The following EPB41L4A variants were observed in gnomAD, a reference collection of about 807,000 sequenced individuals.
EPB41L4A encodes the protein erythrocyte membrane protein band 4.1 like 4A.
In EPB41L4A, 100 loss-of-function variants were observed where a neutral mutation model predicts 108.6. That is an observed-to-expected ratio of 0.92 (90% CI 0.78 to 1.09). EPB41L4A has a LOEUF of 1.09. EPB41L4A is among the 50% of genes least tolerant of loss of function. EPB41L4A has a pLI of 0.00. For synonymous variants in EPB41L4A, 319 were observed against 289.0 expected, an observed-to-expected ratio of 1.10 and a Z score of -1.05; for missense variants, 1,030 against 842.7, an observed-to-expected ratio of 1.22 and a Z score of -2.75.
chr5:112,290,472 G>A (rs1403755916), intron 2 of EPB41L4A, among the ~76,000 whole-genome samples: 3 of 152,126 alleles, frequency 2.0e-5, no homozygotes, highest in Admixed American at 6.5e-5. Context: ...AATAAACATG[G>A]TTTTAGGGAT....
intron 22 of EPB41L4A, 37 bp from the exon 23 acceptor site, chr5:112,165,155 GA>G (rs746268329): frequency 4.0e-6 from 6 of 1,499,546 alleles, no homozygotes; most frequent in Non-Finnish European, 5.5e-6. Context: ...AGATTCAGAA[GA>G]AAACAGCCAA....
Position 112,163,404 on chromosome 5 carries a change from T to G in EPB41L4A, c.*1586A>C, listed in dbSNP as rs182906055. The stretch of plus-strand genomic sequence containing the variant: ...TAGTCTAAACTACAGAAATAAACCT[T>G]AAGGCCATGGGTATAAATGAGATCT... On this transcript the variant is annotated 3_prime_UTR_variant, in exon 23 of 23. Coordinates refer to ENST00000261486, the MANE Select transcript of EPB41L4A (RefSeq NM_022140.5). The G allele has an allele frequency of 6.6e-6, 1 of 152,304 alleles. No homozygotes were observed. Among genetic ancestry groups the G allele is most frequent in the Admixed American group, 6.5e-5 (1 of 15,286 alleles). 9.4% of individuals were successfully genotyped at this position (152,304 alleles called of 1,614,324 possible).
intron 1 of EPB41L4A, among the ~76,000 whole-genome samples, chr5:112,403,513 T>C (rs1761908090): frequency 6.6e-6 from 1 of 152,224 alleles, no homozygotes; most frequent in Admixed American, 6.5e-5. Flanking sequence ...GGTCTCACTC[T>C]GTCACCCAGC....
At chr5:112,240,989 G>A (rs952616624) in intron 9 of EPB41L4A, among the ~76,000 whole-genome samples, 179 bp from the exon 10 acceptor site, 3 of 151,976 alleles carry the variant, frequency 2.0e-5, no homozygotes, top group Admixed American at 1.3e-4. Flanking sequence ...ACCTTCCATC[G>A]ATTAAAATTT....
At chr5:112,183,164 C>T (rs1211507693) in intron 18 of EPB41L4A, among the ~76,000 whole-genome samples, 2 of 152,144 alleles carry the variant, frequency 1.3e-5, no homozygotes, top group Admixed American at 6.5e-5. Flanking sequence ...GTGGCACTCA[C>T]AGCTGTCCTC....
At chr5:112,146,995 G>T (rs1045513595) in intron 12 of EPB41L4A, among the ~76,000 whole-genome samples, 8 of 152,204 alleles carry the variant, frequency 5.3e-5, no homozygotes, top group Admixed American at 4.6e-4. Context: ...AAAATGTGGT[G>T]ATTCTACTCC....
At position 112,205,610 on chromosome 5, in the gene EPB41L4A, A is replaced by C. The variant is rs1762434946; in HGVS notation, c.1179-106T>G. 5 of 857,030 alleles carry C rather than the reference A, an allele frequency of 5.8e-6. No individual in the cohort carries two copies. The East Asian group carries it at 1.3e-4, about 22-fold the overall frequency. 53.1% of individuals were successfully genotyped at this position (857,030 alleles called of 1,614,324 possible). ...CTTTTTAACAAATGTTAAGATGTGCACACTTATTTGCTTGTTTATACCTGT... is the reference window on the plus strand; with the variant it reads ...CTTTTTAACAAATGTTAAGATGTGCCCACTTATTTGCTTGTTTATACCTGT... On this transcript the variant is annotated intron_variant, in intron 13 of 22. Transcript: ENST00000261486.
intron 12 of EPB41L4A, among the ~76,000 whole-genome samples, chr5:112,213,094 G>T (rs1052367718): frequency 6.6e-6 from 1 of 152,018 alleles, no homozygotes; most frequent in Admixed American, 6.6e-5. Context: ...TATTTGGATG[G>T]TTTTCCAAAA....
At chr5:112,408,675 CAAAAAAAAAAAAAAAAAAAAAAAAA>C (rs869290279) in intron 1 of EPB41L4A, among the ~76,000 whole-genome samples, 1 of 35,736 alleles carries the variant, frequency 2.8e-5, no homozygotes, top group African/African-American at 1.2e-4. Flanking sequence ...GACTCCATCT[CAAAAAAAAAAAAAAAAAAAAAAAAA>C]AAAAAAAAAA....
In EPB41L4A at chr5:112,200,489, G is replaced by A. The variant is rs138963953; in HGVS notation, c.1376+3886C>T. Among the ~76,000 whole-genome samples, 1,335 of 152,148 alleles carry A rather than the reference G, an allele frequency of 8.8e-3. 10 individuals carry two copies. Among genetic ancestry groups the A allele is most frequent in the Non-Finnish European group, 0.014 (963 of 68,012 alleles). On this transcript the variant is annotated intron_variant, in intron 15 of 22. Coordinates refer to ENST00000261486, the MANE Select transcript of EPB41L4A (RefSeq NM_022140.5). Reference sequence around the variant, plus strand: ...CATATTATGTATTAAAGTCACAATGGCACATATATTCCTATGACTCATGTA... The same window carrying A: ...CATATTATGTATTAAAGTCACAATGACACATATATTCCTATGACTCATGTA...
At chr5:112,365,349 A>C (rs75079466) in intron 1 of EPB41L4A, among the ~76,000 whole-genome samples, 2,912 of 152,232 alleles carry the variant, frequency 0.019, 103 homozygotes, top group African/African-American at 0.067. Flanking sequence ...AGGCACACCT[A>C]GCTTTCATGA....
chr5:112,416,491 G>C (rs932518366), intron 1 of EPB41L4A, among the ~76,000 whole-genome samples: 1 of 152,088 alleles, frequency 6.6e-6, no homozygotes, highest in African/African-American at 2.4e-5. Flanking sequence ...GTTAGGAAAT[G>C]CTTTTGAAAA....
intron 9 of EPB41L4A, among the ~76,000 whole-genome samples, chr5:112,254,575 A>G (rs1219378849): frequency 6.6e-6 from 1 of 152,142 alleles, no homozygotes; most frequent in African/African-American, 2.4e-5. Flanking sequence ...CACAGTTAAG[A>G]GAGGCCCTCC....
chr5:112,347,033 A>C (rs769275721), intron 1 of EPB41L4A, among the ~76,000 whole-genome samples: 24 of 152,306 alleles, frequency 1.6e-4, no homozygotes, highest in Admixed American at 5.2e-4. Context: ...CAATAAACCA[A>C]CTGTGTCCTG....
At chr5:112,284,238 T>G (rs1436315254) in intron 2 of EPB41L4A, among the ~76,000 whole-genome samples, 2 of 152,152 alleles carry the variant, frequency 1.3e-5, no homozygotes, top group Admixed American at 1.3e-4. Context: ...CTGAGAATCA[T>G]GCAGTGTGGT....
chr5:112,231,716 C>T (rs921451334), intron 12 of EPB41L4A, among the ~76,000 whole-genome samples: 1 of 132,056 alleles, frequency 7.6e-6, no homozygotes, highest in African/African-American at 2.8e-5. Flanking sequence ...ACCCGGGAGG[C>T]GGAGCTTGCA....
At chr5:112,304,887 G>A (rs1754588326) in intron 2 of EPB41L4A, among the ~76,000 whole-genome samples, 1 of 152,048 alleles carries the variant, frequency 6.6e-6, no homozygotes, top group Non-Finnish European at 1.5e-5. Context: ...CATTTTTTAG[G>A]AGCAGACACA....
At chr5:112,211,957 C>T (rs922902427) in intron 12 of EPB41L4A, among the ~76,000 whole-genome samples, 1 of 152,098 alleles carries the variant, frequency 6.6e-6, no homozygotes, top group African/African-American at 2.4e-5. Context: ...CTACCAATAA[C>T]TGAGCAACAT....
intron 1 of EPB41L4A, among the ~76,000 whole-genome samples, chr5:112,376,010 A>G (rs1580786201): frequency 6.6e-6 from 1 of 152,182 alleles, no homozygotes; most frequent in Non-Finnish European, 1.5e-5. Context: ...AAGCATAAAT[A>G]AAAACAAAAA....
Sources: allele counts gnomAD v4.1 joint callset (sites outside exome capture counted in the v4.1 genomes callset), GRCh38; gene constraint gnomAD v4.1.1; transcripts MANE v1.5; gene names NCBI Gene and HGNC (gene_info 2026-07-23, HGNC 2026-07-21).